The following SGTA variants were observed in gnomAD, a reference collection of about 807,000 sequenced individuals.
SGTA encodes the protein small glutamine-rich tetratricopeptide repeat-containing protein alpha.
In SGTA, 22 loss-of-function variants were observed where a neutral mutation model predicts 44.3. The observed-to-expected ratio is 0.50, with a 90% CI of 0.36 to 0.71. SGTA has a LOEUF of 0.71. SGTA is among the 30% of genes least tolerant of loss of function. The probability of loss-of-function intolerance (pLI) is 0.00; values close to 1 mark genes in which losing one functional copy is unlikely to be tolerated. For missense variants in SGTA, 341 were observed against 435.9 expected (o/e 0.78, Z 1.94); for synonymous variants, 174 against 177.6 (o/e 0.98, Z 0.16).
In SGTA at chr19:2,761,866, T is replaced by G. The variant is rs1298797710; in HGVS notation, c.637-344A>C. 2.1e-5 allele frequency among the ~76,000 whole-genome samples: 3 copies of G among 144,254 alleles called. No individual in the cohort carries two copies. Among genetic ancestry groups the G allele is most frequent in the Non-Finnish European group, 4.5e-5 (3 of 66,592 alleles). 94.6% of individuals were successfully genotyped at this position (144,254 alleles called of 152,430 possible). A position where few individuals can be genotyped will look rare whatever the true frequency, so the allele number is the denominator to read the frequency against. ...GCGACCGCCCGGGGACGGCACAGTC[T>G]ATCATCCCGTGTTTATTCCCCGTAC... On this transcript the variant is annotated intron_variant, in intron 7 of 11. Transcript: ENST00000221566. This position sits in a 1 kb window ranked among gnomAD's most constrained non-coding sequence, Gnocchi z 5.7.
At chr19:2,757,297 C>T (rs371032351) in intron 11 of SGTA, 40 bp downstream of exon 11, 1 of 1,591,274 alleles carries the variant, frequency 6.3e-7, no homozygotes, top group South Asian at 1.1e-5. Context: ...TGGTGTCACT[C>T]CTGCTGGCCA....
At position 2,767,055 on chromosome 19, in the gene SGTA, C is replaced by T; in HGVS notation, c.292+81G>A. ...CCCTCAGCTCCCTGGGCCCCAGGGACCAGCTGGCCTCTGCGAGGGTCCCAC... is the reference window on the plus strand; with the variant it reads ...CCCTCAGCTCCCTGGGCCCCAGGGATCAGCTGGCCTCTGCGAGGGTCCCAC... On this transcript the variant is annotated intron_variant, in intron 4 of 11. Transcript: ENST00000221566. This position sits in a 1 kb window ranked among gnomAD's most constrained non-coding sequence, Gnocchi z 7.3. 9.8e-7 allele frequency: 1 copy of T among 1,022,044 alleles called. No individual in the cohort carries two copies. Among genetic ancestry groups the T allele is most frequent in the Non-Finnish European group, 1.5e-6 (1 of 663,318 alleles). 63.3% of individuals were successfully genotyped at this position (1,022,044 alleles called of 1,614,324 possible).
At position 2,765,915 on chromosome 19, in the gene SGTA, AGCT is replaced by A. The variant is rs1201032526; in HGVS notation, c.293-633_293-631del. Among the ~76,000 whole-genome samples the A allele has an allele frequency of 1.3e-5, 2 of 152,186 alleles. No individual in the cohort carries two copies. Among genetic ancestry groups the A allele is most frequent in the African/African-American group, 4.8e-5 (2 of 41,430 alleles). On this transcript the variant is annotated intron_variant, in intron 4 of 11. Coordinates refer to ENST00000221566, the MANE Select transcript of SGTA (RefSeq NM_003021.4). This position sits in a 1 kb window ranked among gnomAD's most constrained non-coding sequence, Gnocchi z 5.5. The stretch of plus-strand genomic sequence containing the variant: ...TTGAGATATAATTTACATGCCACAA[AGCT>A]TACGCTTTAAAAATATAAGCCCGGG...
Position 2,765,209 on chromosome 19 carries a change from G to A in SGTA, c.369C>T (p.Ala123=). The part of the protein sequence containing the change: ...FYGKAIELNP[A]NAVYFCNRAA... ...ACCTGTTGCAGAAATAGACGGCGTT[G>A]GCTGGGTTGAGCTCGATGGCTTTTC... Residue 123 remains alanine (A), a synonymous_variant, in exon 5 of 12, where the codon GCC becomes GCT. Coordinates refer to ENST00000221566, the MANE Select transcript of SGTA (RefSeq NM_003021.4). This position sits in a 1 kb window ranked among gnomAD's most constrained non-coding sequence, Gnocchi z 5.5. The A allele has an allele frequency of 6.2e-7, 1 of 1,614,054 alleles. No individual in the cohort carries two copies. Among genetic ancestry groups the A allele is most frequent in the Non-Finnish European group, 8.5e-7 (1 of 1,179,944 alleles).
At chr19:2,775,589 CACAGGGTGTG>C (rs1171124491) in intron 1 of SGTA, among the ~76,000 whole-genome samples, 1 of 152,204 alleles carries the variant, frequency 6.6e-6, no homozygotes, top group African/African-American at 2.4e-5. Context: ...CCAAAGCACA[CACAGGGTGTG>C]ACACCGACTC....
chr19:2,775,865 G>A (rs1915435281), intron 1 of SGTA, among the ~76,000 whole-genome samples: 1 of 152,194 alleles, frequency 6.6e-6, no homozygotes, highest in Non-Finnish European at 1.5e-5. Flanking sequence ...TTTAAAGGGG[G>A]AGAAATCTAC....
chr19:2,772,477 G>A (rs548051811), intron 1 of SGTA, among the ~76,000 whole-genome samples: 1 of 152,360 alleles, frequency 6.6e-6, no homozygotes, highest in African/African-American at 2.4e-5. Flanking sequence ...CCCCAGCTGG[G>A]CCCCAGGGAC....
In SGTA at chr19:2,767,788, T is replaced by C. The variant is rs1387370717; in HGVS notation, c.101-102A>G. 6 of 867,016 alleles carry C rather than the reference T, an allele frequency of 6.9e-6. No individual in the cohort carries two copies. Among genetic ancestry groups the C allele is most frequent in the Non-Finnish European group, 1.1e-5 (6 of 524,254 alleles). The allele number at this position is 867,016 out of a possible 1,614,324, so 53.7% of individuals were successfully genotyped here. On this transcript the variant is annotated intron_variant, in intron 2 of 11. Coordinates refer to ENST00000221566, the MANE Select transcript of SGTA (RefSeq NM_003021.4). This position sits in a 1 kb window ranked among gnomAD's most constrained non-coding sequence, Gnocchi z 7.3. Reference sequence around the variant, plus strand: ...TGGTGCTCATGCTTCCCCAGGTGTGTTCATTCCCAAGGACCCCAGAACGCA... The same window carrying C: ...TGGTGCTCATGCTTCCCCAGGTGTGCTCATTCCCAAGGACCCCAGAACGCA...
At position 2,757,248 on chromosome 19, in the gene SGTA, G is replaced by A. The variant is rs114971229; in HGVS notation, c.*6+89C>T. On this transcript the variant is annotated intron_variant, in intron 11 of 11. Transcript: ENST00000221566. ...CAGACAGGCTCCACAGCCCCCGGGC[G>A]TCACTCCTGCTGGCTGCCCTCACTG... 9,007 of 1,475,618 alleles carry A rather than the reference G, an allele frequency of 6.1e-3. 287 individuals are homozygous for A. In the African/African-American group the frequency reaches 0.087, roughly 14 times the overall value. 91.4% of individuals were successfully genotyped at this position (1,475,618 alleles called of 1,614,324 possible). A position where few individuals can be genotyped will look rare whatever the true frequency, so the allele number is the denominator to read the frequency against.
intron 5 of SGTA, among the ~76,000 whole-genome samples, chr19:2,764,791 C>T (rs1427847622): frequency 6.6e-6 from 1 of 152,090 alleles, no homozygotes; most frequent in Admixed American, 6.5e-5. Flanking sequence ...GTCTTGAACT[C>T]TCAACCTCAA....
chr19:2,769,120 G>T, intron 1 of SGTA, 29 bp from the exon 2 acceptor site: 1 of 1,451,388 alleles, frequency 6.9e-7, no homozygotes, highest in Non-Finnish European at 9.7e-7. Flanking sequence ...CCCCCATCAG[G>T]CCCCCTCACA....
intron 1 of SGTA, among the ~76,000 whole-genome samples, chr19:2,776,414 G>T (rs1181676289): frequency 1.3e-5 from 2 of 152,238 alleles, no homozygotes; most frequent in Non-Finnish European, 2.9e-5. Context: ...CGGACCTTGA[G>T]GACGTCGCAC....
intron 11 of SGTA, 26 bp downstream of exon 11, chr19:2,757,311 C>G (rs1914848280): frequency 6.3e-7 from 1 of 1,596,592 alleles, no homozygotes; most frequent in Non-Finnish European, 8.5e-7. Context: ...CTGGCCACCC[C>G]CCAGCCCCCG....
rs953492076 is a variant in SGTA at position 2,767,819 on chromosome 19, C to T, written c.101-133G>A. Reference sequence around the variant, plus strand: ...CCCAAGGACCCCAGAACGCAGGGGCCGCCGCCTGTGCTCTGGGCTGGGACA... The same window carrying T: ...CCCAAGGACCCCAGAACGCAGGGGCTGCCGCCTGTGCTCTGGGCTGGGACA... On this transcript the variant is annotated intron_variant, in intron 2 of 11. Coordinates refer to ENST00000221566, the MANE Select transcript of SGTA (RefSeq NM_003021.4). This position sits in a 1 kb window ranked among gnomAD's most constrained non-coding sequence, Gnocchi z 7.3. The T allele has an allele frequency of 7.2e-6, 5 of 692,144 alleles. No homozygotes were observed. Among genetic ancestry groups the T allele is most frequent in the East Asian group, 2.7e-5 (1 of 36,756 alleles). 42.9% of individuals were successfully genotyped at this position (692,144 alleles called of 1,614,324 possible). A position where few individuals can be genotyped will look rare whatever the true frequency, so the allele number is the denominator to read the frequency against.
chr19:2,755,818 C>T lies in SGTA; in HGVS notation c.*122G>A. The stretch of plus-strand genomic sequence containing the variant: ...AAAGGGGAAAATCCATCTTGACATG[C>T]AGGTCCGAGGTCTCTCTCTTCCCCT... On this transcript the variant is annotated 3_prime_UTR_variant, in exon 12 of 12. Coordinates refer to ENST00000221566, the MANE Select transcript of SGTA (RefSeq NM_003021.4). The surrounding 1 kb of genome is among the most constrained non-coding windows in gnomAD (Gnocchi z 5.2). 1 of 985,552 alleles carries T rather than the reference C, an allele frequency of 1.0e-6. No individual in the cohort carries two copies. The highest frequency in any genetic ancestry group is 1.7e-5 in the African/African-American group (1 of 57,358). The allele number at this position is 985,552 out of a possible 1,614,324, so 61.1% of individuals were successfully genotyped here.
In SGTA at chr19:2,767,086, C is replaced by G. The variant is rs1362688319; in HGVS notation, c.292+50G>C. The G allele has an allele frequency of 1.4e-6, 2 of 1,400,718 alleles. No individual in the cohort carries two copies. Among genetic ancestry groups the G allele is most frequent in the Non-Finnish European group, 2.0e-6 (2 of 1,002,366 alleles). The allele number at this position is 1,400,718 out of a possible 1,614,324, so 86.8% of individuals were successfully genotyped here. On this transcript the variant is annotated intron_variant, in intron 4 of 11. Coordinates refer to ENST00000221566, the MANE Select transcript of SGTA (RefSeq NM_003021.4). The surrounding 1 kb of genome is among the most constrained non-coding windows in gnomAD (Gnocchi z 7.3). Reference sequence around the variant, plus strand: ...GGCCTCTGCGAGGGTCCCACAGCCCCGGAGTCCAGGTAGGGCGAGGTGTCT... The same window carrying G: ...GGCCTCTGCGAGGGTCCCACAGCCCGGGAGTCCAGGTAGGGCGAGGTGTCT...
chr19:2,768,606 A>G (rs961861426), intron 2 of SGTA, among the ~76,000 whole-genome samples: 4 of 152,242 alleles, frequency 2.6e-5, no homozygotes, highest in African/African-American at 7.2e-5. Context: ...GGGCGGGGCC[A>G]GCACTAGGAG....
intron 7 of SGTA, among the ~76,000 whole-genome samples, chr19:2,762,236 A>AT (rs1915016260): frequency 6.6e-6 from 1 of 152,120 alleles, no homozygotes; most frequent in Non-Finnish European, 1.5e-5. Context: ...CGGCCTCGCC[A>AT]CAAAACCCAC....
Position 2,757,717 on chromosome 19 carries a change from T to C in SGTA, c.803A>G (p.Asn268Ser), listed in dbSNP as rs1181684349. Residue 268 changes from asparagine to serine, a missense_variant, in exon 10 of 12, where the codon AAC becomes AGC. Transcript: ENST00000221566. ...LGTPGTSPSQ[N>S]DLASLIQAGQ... ...CGCCTGGATGAGGCTGGCCAGGTCG[T>C]TCTGCGAGGGGCTGGTGCCGGGAGT... is the stretch of plus-strand genomic sequence containing the variant. 1 of 1,598,218 alleles carries C rather than the reference T, an allele frequency of 6.3e-7. No individual in the cohort carries two copies. The highest frequency in any genetic ancestry group is 1.3e-5 in the African/African-American group (1 of 74,656).
Sources: gnomAD v4.1 joint callset for allele counts (sites outside exome capture counted in the v4.1 genomes callset) on GRCh38, gnomAD v4.1.1 for gene constraint, Gnocchi (gnomAD v3.1) non-coding constraint, MANE v1.5 for transcripts, NCBI Gene and HGNC (gene_info 2026-07-23, HGNC 2026-07-21) for gene names.